The following COL25A1 variants were observed in gnomAD, a reference collection of about 807,000 sequenced individuals.
The protein encoded by COL25A1 is collagen alpha-1(XXV) chain.
A neutral mutation model predicts 128.4 loss-of-function variants in COL25A1; 103 were observed. The ratio of observed to expected loss-of-function variants is 0.80; its 90% CI spans 0.68 to 0.94. The LOEUF (loss-of-function observed/expected upper bound fraction) is 0.94, where lower values mean the gene tolerates loss of function less well. Ranked by LOEUF, COL25A1 falls within the 40% of genes least tolerant of loss-of-function variation. The probability of loss-of-function intolerance (pLI) is 0.00; values close to 1 mark genes in which losing one functional copy is unlikely to be tolerated. For synonymous variants in COL25A1, 279 were observed against 277.2 expected, an observed-to-expected ratio of 1.01 and a Z score of -0.06; for missense variants, 745 against 840.0, an observed-to-expected ratio of 0.89 and a Z score of 1.40.
At chr4:109,167,448 AT>A (rs555890827) in intron 3 of COL25A1, among the ~76,000 whole-genome samples, 260 of 152,280 alleles carry the variant, frequency 1.7e-3, no homozygotes, top group African/African-American at 5.7e-3. Context: ...TGAATGAACA[AT>A]AAGTTTGAGA....
chr4:108,826,916 C>G (rs543550506), intron 33 of COL25A1, among the ~76,000 whole-genome samples: 1 of 152,046 alleles, frequency 6.6e-6, no homozygotes, highest in Non-Finnish European at 1.5e-5. Flanking sequence ...CTGTCAATCT[C>G]GTGAAGTGCC....
chr4:108,928,011 T>C (rs188152405), intron 11 of COL25A1, among the ~76,000 whole-genome samples: 1 of 152,304 alleles, frequency 6.6e-6, no homozygotes, highest in East Asian at 1.9e-4. Flanking sequence ...CCAGCCCTTC[T>C]AAATATTTAA....
intron 6 of COL25A1, among the ~76,000 whole-genome samples, chr4:109,001,424 G>GCTGAGATCCTGTCAGGTAGGCATC (rs1561003582): frequency 1.1e-3 from 20 of 18,406 alleles, no homozygotes; most frequent in Non-Finnish European, 2.3e-3. Context: ...CAGGTAGGCA[G>GCTGAGATCCTGTCAGGTAGGCATC]TGAGCTAGAG....
At chr4:108,848,015 G>A (rs749366260) in intron 27 of COL25A1, among the ~76,000 whole-genome samples, 4 of 152,026 alleles carry the variant, frequency 2.6e-5, no homozygotes, top group African/African-American at 9.7e-5. Flanking sequence ...TCTGAATACT[G>A]TCCACGTTCT....
intron 27 of COL25A1, among the ~76,000 whole-genome samples, chr4:108,848,055 G>A (rs995126962): frequency 6.6e-6 from 1 of 152,024 alleles, no homozygotes; most frequent in African/African-American, 2.4e-5. Context: ...AGCAGGGGTC[G>A]CCAAACCATG....
intron 5 of COL25A1, among the ~76,000 whole-genome samples, chr4:109,038,362 T>C (rs925263272): frequency 6.6e-6 from 1 of 152,150 alleles, no homozygotes; most frequent in Admixed American, 6.5e-5. Context: ...AACATAGAAA[T>C]CTTGCCTGAG....
At chr4:109,113,611 G>A (rs1198863713) in intron 3 of COL25A1, among the ~76,000 whole-genome samples, 1 of 139,062 alleles carries the variant, frequency 7.2e-6, no homozygotes, top group Non-Finnish European at 1.6e-5. Context: ...CTAAATAGCT[G>A]TTTATGGTAA....
chr4:109,273,981 G>C (rs981617486), intron 3 of COL25A1, among the ~76,000 whole-genome samples: 1 of 152,152 alleles, frequency 6.6e-6, no homozygotes, highest in Non-Finnish European at 1.5e-5. Context: ...AGGAATACTT[G>C]TTGGAAATCA....
chr4:109,059,446 G>C (rs1317817622), intron 3 of COL25A1, among the ~76,000 whole-genome samples: 1 of 152,166 alleles, frequency 6.6e-6, no homozygotes, highest in Non-Finnish European at 1.5e-5. Flanking sequence ...GAAAATAGGA[G>C]ATTTAAGTCA....
At chr4:108,836,712 A>G (rs1733855784) in intron 31 of COL25A1, among the ~76,000 whole-genome samples, 1 of 152,136 alleles carries the variant, frequency 6.6e-6, no homozygotes, top group South Asian at 2.1e-4. Context: ...TCTACCTAGA[A>G]TGCTGAAATA....
intron 3 of COL25A1, among the ~76,000 whole-genome samples, chr4:109,234,001 C>T (rs12640304): frequency 0.17 from 25,837 of 152,058 alleles, 2,455 homozygotes; most frequent in East Asian, 0.3. Context: ...TGCTTTCCTA[C>T]CTATTTACTC....
rs562833289 is a variant in COL25A1, at chr4:108,831,141, T to C, written c.1710+1239A>G. Among the ~76,000 whole-genome samples, 10 of 152,090 alleles carry C rather than the reference T, an allele frequency of 6.6e-5. No homozygotes were observed. In the South Asian group the frequency reaches 2.1e-3, roughly 31 times the overall value. On this transcript the variant is annotated intron_variant, in intron 32 of 37. Coordinates refer to ENST00000399132, the MANE Select transcript of COL25A1 (RefSeq NM_198721.4). ...TCTCTGCAATTAGATTGTAAACTCT[T>C]CTAGGTCAGGAAGAATAGCTGTTTT... is the stretch of plus-strand genomic sequence containing the variant.
At chr4:108,925,279 G>T (rs533740730) in intron 11 of COL25A1, among the ~76,000 whole-genome samples, 1 of 152,102 alleles carries the variant, frequency 6.6e-6, no homozygotes, top group Non-Finnish European at 1.5e-5. Flanking sequence ...AATTGTGTCA[G>T]GTGGTAACTG....
At chr4:109,159,944 A>C (rs899770009) in intron 3 of COL25A1, among the ~76,000 whole-genome samples, 1 of 152,208 alleles carries the variant, frequency 6.6e-6, no homozygotes, top group Non-Finnish European at 1.5e-5. Context: ...CTAGTGAGGT[A>C]GGAAATAAAA....
chr4:109,128,196 T>C (rs993001622), intron 3 of COL25A1, among the ~76,000 whole-genome samples: 1 of 152,118 alleles, frequency 6.6e-6, no homozygotes, highest in African/African-American at 2.4e-5. Context: ...TGTCCCTGAG[T>C]TGTTTTTCAG....
chr4:109,074,159 A>C (rs565104487), intron 3 of COL25A1, among the ~76,000 whole-genome samples: 5 of 152,300 alleles, frequency 3.3e-5, no homozygotes, highest in African/African-American at 1.2e-4. Context: ...CCGCTCCTAT[A>C]AGAATCTAAT....
chr4:108,876,764 T>C (rs932503039), intron 19 of COL25A1, among the ~76,000 whole-genome samples: 7 of 152,356 alleles, frequency 4.6e-5, no homozygotes, highest in African/African-American at 1.4e-4. Context: ...ATAGGACTAA[T>C]GCAGCTTCAA....
At chr4:109,175,739 C>T (rs866602028) in intron 3 of COL25A1, among the ~76,000 whole-genome samples, 1 of 152,164 alleles carries the variant, frequency 6.6e-6, no homozygotes, top group African/African-American at 2.4e-5. Context: ...CTAAGCCACA[C>T]AAAATGCCAT....
intron 3 of COL25A1, among the ~76,000 whole-genome samples, chr4:109,153,241 T>G (rs1294427990): frequency 6.6e-6 from 1 of 151,292 alleles, no homozygotes; most frequent in Non-Finnish European, 1.5e-5. Flanking sequence ...CAAAATTAGC[T>G]GGGCGTGGTA....
Sources: gnomAD v4.1 joint callset for allele counts (sites outside exome capture counted in the v4.1 genomes callset) on GRCh38, gnomAD v4.1.1 for gene constraint, MANE v1.5 for transcripts, NCBI Gene and HGNC (gene_info 2026-07-23, HGNC 2026-07-21) for gene names.